The following CSMD1 variants were observed in gnomAD, a reference collection of about 807,000 sequenced individuals.
The protein encoded by CSMD1 is CUB and sushi domain-containing protein 1.
A neutral mutation model predicts 417.5 loss-of-function variants in CSMD1; 213 were observed. The observed-to-expected ratio is 0.51, with a 90% confidence interval of 0.46 to 0.57. CSMD1 has a LOEUF of 0.57. CSMD1 is among the 20% of genes least tolerant of loss of function. The pLI, the probability that CSMD1 is intolerant of heterozygous loss-of-function variation, is 0.00. For missense variants in CSMD1, 6,923 were observed against 4,529.7 expected (o/e 1.53, Z -15.17); for synonymous variants, 2,862 against 1,736.8 (o/e 1.65, Z -16.11).
intron 2 of CSMD1, among the ~76,000 whole-genome samples, chr8:4,625,587 G>A (rs556873598): frequency 7.2e-5 from 11 of 151,912 alleles, no homozygotes; most frequent in Admixed American, 2.6e-4. Flanking sequence ...CTGTATACAC[G>A]AGCAAATACA....
intron 5 of CSMD1, among the ~76,000 whole-genome samples, chr8:3,968,198 A>T (rs915297646): frequency 6.6e-6 from 1 of 151,502 alleles, no homozygotes; most frequent in Admixed American, 6.6e-5. Flanking sequence ...AATAATAATA[A>T]TAATAATAAT....
chr8:4,634,142 T>A (rs1426985199), intron 2 of CSMD1, among the ~76,000 whole-genome samples: 1 of 152,200 alleles, frequency 6.6e-6, no homozygotes, highest in Non-Finnish European at 1.5e-5. Context: ...ATCATTAAAA[T>A]TTAGTTTATT....
chr8:3,335,630 C>T (rs1039465064), intron 23 of CSMD1, among the ~76,000 whole-genome samples: 10 of 152,056 alleles, frequency 6.6e-5, no homozygotes, highest in Admixed American at 2.0e-4. Context: ...GAGTCGAGCT[C>T]GTGCCATTGC....
intron 3 of CSMD1, among the ~76,000 whole-genome samples, chr8:4,086,580 T>A (rs558021959): frequency 6.6e-6 from 1 of 152,216 alleles, no homozygotes; most frequent in Non-Finnish European, 1.5e-5. Context: ...CAATCTCCTC[T>A]ACTGATGCAG....
intron 5 of CSMD1, among the ~76,000 whole-genome samples, chr8:3,796,555 A>G (rs969795180): frequency 6.9e-6 from 1 of 145,720 alleles, no homozygotes; most frequent in African/African-American, 2.5e-5. Flanking sequence ...TCCATACATG[A>G]TAGATATATA....
At chr8:3,281,982 G>C (rs1802775872) in intron 26 of CSMD1, among the ~76,000 whole-genome samples, 3 of 152,046 alleles carry the variant, frequency 2.0e-5, no homozygotes, top group African/African-American at 7.2e-5. Context: ...CCCCTTCCCC[G>C]GTCGTGGAAG....
At chr8:3,220,626 T>C (rs187705976) in intron 28 of CSMD1, among the ~76,000 whole-genome samples, 1 of 151,850 alleles carries the variant, frequency 6.6e-6, no homozygotes, top group African/African-American at 2.4e-5. Context: ...AGGTCAGGAG[T>C]TCGAGAACAG....
In CSMD1 at chr8:4,764,564, C is replaced by T. The variant is rs1220667567; in HGVS notation, c.86-127006G>A. Among the ~76,000 whole-genome samples, 5 of 152,062 alleles carry T rather than the reference C, an allele frequency of 3.3e-5. No individual in the cohort carries two copies. The East Asian group carries it at 9.7e-4, about 29-fold the overall frequency. On this transcript the variant is annotated intron_variant, in intron 1 of 69. Transcript: ENST00000635120. ...CAAATTGGAAACCAGCCAAGCTGCT[C>T]TCTAAAAATATCAATTTAAACTACT...
chr8:4,601,333 G>T (rs1158616714), intron 2 of CSMD1, among the ~76,000 whole-genome samples: 1 of 152,188 alleles, frequency 6.6e-6, no homozygotes, highest in Non-Finnish European at 1.5e-5. Context: ...TCCCCTTGGA[G>T]ACAGAGGTGG....
intron 2 of CSMD1, among the ~76,000 whole-genome samples, chr8:4,564,600 T>C (rs1798505372): frequency 6.6e-6 from 1 of 152,160 alleles, no homozygotes; most frequent in African/African-American, 2.4e-5. Context: ...AGTAAGCAAA[T>C]CCAGGTAACA....
intron 20 of CSMD1, among the ~76,000 whole-genome samples, chr8:3,361,605 T>C (rs1351410301): frequency 7.0e-6 from 1 of 143,180 alleles, no homozygotes; most frequent in Non-Finnish European, 1.5e-5. Flanking sequence ...TGAGCTGAGA[T>C]TGCACCACTG....
chr8:3,246,263 T>G (rs921982613), intron 26 of CSMD1, among the ~76,000 whole-genome samples: 2 of 152,096 alleles, frequency 1.3e-5, no homozygotes, highest in South Asian at 4.2e-4. Flanking sequence ...CATTCTTCCT[T>G]GGAATCCATG....
At chr8:4,183,472 A>T (rs1798490463) in intron 3 of CSMD1, among the ~76,000 whole-genome samples, 1 of 152,216 alleles carries the variant, frequency 6.6e-6, no homozygotes, top group South Asian at 2.1e-4. Flanking sequence ...ATGTTCTTCA[A>T]TTGGAGGTGA....
At chr8:3,421,872 A>C (rs1411029053) in intron 12 of CSMD1, among the ~76,000 whole-genome samples, 1 of 148,184 alleles carries the variant, frequency 6.7e-6, no homozygotes, top group Admixed American at 6.6e-5. Context: ...TTCTAACTTC[A>C]GGCGATCCAC....
intron 1 of CSMD1, among the ~76,000 whole-genome samples, chr8:4,683,189 T>G (rs548186018): frequency 1.3e-5 from 2 of 152,002 alleles, no homozygotes; most frequent in East Asian, 3.9e-4. Flanking sequence ...ATTCTAAGGG[T>G]AATATGTTCA....
At chr8:4,113,100 T>A (rs972147016) in intron 3 of CSMD1, among the ~76,000 whole-genome samples, 10 of 152,166 alleles carry the variant, frequency 6.6e-5, no homozygotes, top group African/African-American at 1.9e-4. Context: ...AAATGATTAA[T>A]GTGGTGTGTG....
At chr8:4,721,346 A>T (rs1486191607) in intron 1 of CSMD1, among the ~76,000 whole-genome samples, 1 of 152,176 alleles carries the variant, frequency 6.6e-6, no homozygotes, top group Non-Finnish European at 1.5e-5. Flanking sequence ...ATCTCTTTTT[A>T]TTCTACTGCC....
chr8:3,914,249 G>C (rs1381860518), intron 5 of CSMD1, among the ~76,000 whole-genome samples: 5 of 152,244 alleles, frequency 3.3e-5, no homozygotes, highest in East Asian at 3.9e-4. Flanking sequence ...GTAGATAAGA[G>C]CTAGTTAGAG....
intron 3 of CSMD1, among the ~76,000 whole-genome samples, chr8:4,174,615 A>G (rs1458215602): frequency 2.0e-5 from 3 of 149,396 alleles, no homozygotes; most frequent in Non-Finnish European, 3.0e-5. Context: ...TTTTATAATA[A>G]TTAAAACAAA....
Sources: gnomAD v4.1 joint callset for allele counts (sites outside exome capture counted in the v4.1 genomes callset) on GRCh38, gnomAD v4.1.1 for gene constraint, MANE v1.5 for transcripts, NCBI Gene and HGNC (gene_info 2026-07-23, HGNC 2026-07-21) for gene names.